The following PTPRM variants were observed in gnomAD, a reference collection of about 807,000 sequenced individuals.
PTPRM encodes receptor-type tyrosine-protein phosphatase mu.
In PTPRM, 47 loss-of-function variants were observed where a neutral mutation model predicts 186.7. The ratio of observed to expected loss-of-function variants is 0.25; its 90% CI spans 0.20 to 0.32. The LOEUF (loss-of-function observed/expected upper bound fraction) is 0.32, where lower values mean the gene tolerates loss of function less well. Ranked by LOEUF, PTPRM falls within the 10% of genes least tolerant of loss-of-function variation. The pLI is 1.00. For synonymous variants in PTPRM, 668 were observed against 674.9 expected (o/e 0.99, Z 0.16); for missense variants, 1,494 against 1,865.0 (o/e 0.80, Z 3.66).
chr18:7,581,923 G>C (rs1452346214), intron 1 of PTPRM, among the ~76,000 whole-genome samples: 1 of 152,030 alleles, frequency 6.6e-6, no homozygotes, highest in Non-Finnish European at 1.5e-5. Flanking sequence ...GCCTCCCAAA[G>C]TGTTGGGGTT....
chr18:8,244,178 A>T lies in PTPRM; in HGVS notation c.2421A>T (p.Ser807=), dbSNP rs2094456680. ...EQGTNCDEAF[S]FMDTHNLNGR... ...GCACAAACTGCGACGAGGCTTTCTCATTCATGGACACGCACAATCTGAATG... is the reference window on the plus strand; with the variant it reads ...GCACAAACTGCGACGAGGCTTTCTCTTTCATGGACACGCACAATCTGAATG... Residue 807 remains serine, a synonymous_variant, in exon 15 of 33, where the codon TCA becomes TCT. Coordinates refer to ENST00000580170, the MANE Select transcript of PTPRM (RefSeq NM_001105244.2). 6.3e-7 allele frequency: 1 copy of T among 1,593,014 alleles called. No individual in the cohort carries two copies. The highest frequency in any genetic ancestry group is 8.5e-7 in the Non-Finnish European group (1 of 1,172,460).
At chr18:8,133,868 G>A (rs1176834383) in intron 13 of PTPRM, among the ~76,000 whole-genome samples, 2 of 152,038 alleles carry the variant, frequency 1.3e-5, no homozygotes, top group African/African-American at 2.4e-5. Context: ...AGATCCATAC[G>A]GCTGCACTAT....
chr18:7,823,850 CGT>C (rs1567873478), intron 2 of PTPRM, among the ~76,000 whole-genome samples: 1 of 152,088 alleles, frequency 6.6e-6, no homozygotes, highest in Admixed American at 6.6e-5. Flanking sequence ...ACCTTGTGAT[CGT>C]GTGAGTCAGT....
chr18:7,915,806 C>T (rs1257082696), intron 4 of PTPRM, among the ~76,000 whole-genome samples: 1 of 152,148 alleles, frequency 6.6e-6, no homozygotes, highest in East Asian at 1.9e-4. Context: ...TCAGCCTAAG[C>T]TGCTTGCCAC....
chr18:7,769,804 G>C (rs1303982214), intron 1 of PTPRM, among the ~76,000 whole-genome samples: 1 of 152,018 alleles, frequency 6.6e-6, no homozygotes, highest in East Asian at 1.9e-4. Flanking sequence ...TTCTTATCTA[G>C]AACCTGTGTG....
At chr18:7,739,387 A>G (rs1484089334) in intron 1 of PTPRM, among the ~76,000 whole-genome samples, 2 of 152,216 alleles carry the variant, frequency 1.3e-5, no homozygotes, top group Admixed American at 6.5e-5. Context: ...CTTTCTGTCT[A>G]ACATCATTTC....
chr18:8,359,066 G>C (rs1027780220), intron 23 of PTPRM, among the ~76,000 whole-genome samples: 6 of 151,952 alleles, frequency 3.9e-5, no homozygotes, highest in Non-Finnish European at 8.8e-5. Flanking sequence ...TAAATACTTG[G>C]TAATTCAGCC....
chr18:8,282,858 A>G (rs1187366847), intron 19 of PTPRM, among the ~76,000 whole-genome samples: 1 of 152,192 alleles, frequency 6.6e-6, no homozygotes, highest in African/African-American at 2.4e-5. Context: ...GAATGACTAG[A>G]CAAACTCTAG....
chr18:7,644,733 C>A (rs1009065120), intron 1 of PTPRM, among the ~76,000 whole-genome samples: 4 of 152,030 alleles, frequency 2.6e-5, no homozygotes, highest in African/African-American at 9.7e-5. Flanking sequence ...AGTAGGAAAT[C>A]AGACAAAGTA....
At chr18:7,584,795 T>C (rs2036934622) in intron 1 of PTPRM, among the ~76,000 whole-genome samples, 1 of 152,240 alleles carries the variant, frequency 6.6e-6, no homozygotes, top group Admixed American at 6.5e-5. Flanking sequence ...GGTAGAATAA[T>C]ATCCCCCTGC....
intron 14 of PTPRM, among the ~76,000 whole-genome samples, chr18:8,156,827 C>T (rs1431426642): frequency 9.9e-6 from 1 of 101,254 alleles, no homozygotes; most frequent in Non-Finnish European, 2.2e-5. Flanking sequence ...TGCAGAATAG[C>T]TAAATAAATG....
intron 1 of PTPRM, among the ~76,000 whole-genome samples, chr18:7,714,473 C>G (rs183765126): frequency 9.6e-4 from 146 of 151,910 alleles, no homozygotes; most frequent in African/African-American, 3.0e-3. Context: ...GAAGCAACAG[C>G]AAATAAATTC....
chr18:7,918,644 G>A (rs947175290), intron 4 of PTPRM, among the ~76,000 whole-genome samples: 1 of 152,046 alleles, frequency 6.6e-6, no homozygotes, highest in Non-Finnish European at 1.5e-5. Flanking sequence ...TTTTAAATTG[G>A]ACTATTTGTA....
chr18:8,249,367 CA>C (rs2094506635), intron 17 of PTPRM, among the ~76,000 whole-genome samples: 1 of 152,100 alleles, frequency 6.6e-6, no homozygotes, highest in African/African-American at 2.4e-5. Context: ...TTAAATTTTG[CA>C]TCATTCTGAG....
intron 1 of PTPRM, among the ~76,000 whole-genome samples, chr18:7,598,326 T>G (rs2037315760): frequency 6.6e-6 from 1 of 152,236 alleles, no homozygotes; most frequent in South Asian, 2.1e-4. Flanking sequence ...GAAATCTGAC[T>G]TAAGTGCTTG....
intron 1 of PTPRM, among the ~76,000 whole-genome samples, chr18:7,570,250 T>G (rs1391074362): frequency 1.3e-5 from 2 of 152,186 alleles, no homozygotes; most frequent in South Asian, 2.1e-4. Context: ...CAGGGTTTTG[T>G]TTTTTGTTTT....
intron 19 of PTPRM, among the ~76,000 whole-genome samples, chr18:8,288,317 C>T (rs2094980639): frequency 6.6e-6 from 1 of 152,196 alleles, no homozygotes; most frequent in Admixed American, 6.5e-5. Context: ...TCATTGGCAA[C>T]ATGACAGAGG....
chr18:8,266,610 T>C (rs1025256917), intron 19 of PTPRM, among the ~76,000 whole-genome samples: 6 of 152,306 alleles, frequency 3.9e-5, no homozygotes, highest in Admixed American at 2.6e-4. Context: ...ATGTCCATGA[T>C]TGAAATATAA....
intron 23 of PTPRM, among the ~76,000 whole-genome samples, chr18:8,362,625 C>G (rs2095603934): frequency 6.6e-6 from 1 of 152,208 alleles, no homozygotes; most frequent in Admixed American, 6.5e-5. Flanking sequence ...CTTCCATATC[C>G]ACCCATAGAA....
Sources: allele counts gnomAD v4.1 joint callset (sites outside exome capture counted in the v4.1 genomes callset), GRCh38; gene constraint gnomAD v4.1.1; transcripts MANE v1.5; gene names NCBI Gene and HGNC (gene_info 2026-07-23, HGNC 2026-07-21).